The following CDH12 variants were observed in gnomAD, a reference collection of about 807,000 sequenced individuals.
CDH12 encodes the protein cadherin 12, also known as cadherin-12.
A neutral mutation model predicts 74.1 loss-of-function variants in CDH12; 41 were observed. The observed-to-expected ratio is 0.55, with a 90% CI of 0.43 to 0.72. The LOEUF (loss-of-function observed/expected upper bound fraction) is 0.72, where lower values mean the gene tolerates loss of function less well. Among genes scored for constraint, CDH12 ranks in the 30% least tolerant of loss-of-function variants. The pLI is 0.00. For missense variants in CDH12, 945 were observed against 977.2 expected (o/e 0.97, Z 0.44); for synonymous variants, 399 against 355.0 (o/e 1.12, Z -1.39).
chr5:21,779,311 C>A (rs1316901528), intron 11 of CDH12: 1 of 152,034 alleles, frequency 6.6e-6, no homozygotes, highest in East Asian at 1.9e-4. Context: ...AGTGATCCTC[C>A]CACCTCAGCC....
chr5:21,856,408 T>C (rs549938512), intron 6 of CDH12, among the ~76,000 whole-genome samples: 1 of 151,830 alleles, frequency 6.6e-6, no homozygotes, highest in African/African-American at 2.4e-5. Flanking sequence ...AATATTACAA[T>C]TGAAAAACTA....
intron 4 of CDH12, among the ~76,000 whole-genome samples, chr5:22,117,825 T>A (rs1003718109): frequency 6.1e-5 from 9 of 146,520 alleles, no homozygotes; most frequent in Non-Finnish European, 1.1e-4. Context: ...GTGAAAAAAA[T>A]GTAATGTTAT....
chr5:22,657,191 T>C (rs879506908), intron 1 of CDH12, among the ~76,000 whole-genome samples: 6 of 152,132 alleles, frequency 3.9e-5, no homozygotes, highest in Non-Finnish European at 5.9e-5. Flanking sequence ...TTACGTGAAA[T>C]GCACAAACGT....
chr5:22,382,500 A>G (rs1741811658), intron 3 of CDH12, among the ~76,000 whole-genome samples: 2 of 151,630 alleles, frequency 1.3e-5, no homozygotes, highest in African/African-American at 2.4e-5. Context: ...TGCCATTTCA[A>G]GACTTAGATT....
At chr5:21,858,631 A>G (rs1750874232) in intron 6 of CDH12, among the ~76,000 whole-genome samples, 1 of 151,986 alleles carries the variant, frequency 6.6e-6, no homozygotes, top group South Asian at 2.1e-4. Context: ...GAGTATATGA[A>G]GTGCCAGGCA....
intron 4 of CDH12, among the ~76,000 whole-genome samples, chr5:22,124,582 G>A (rs185517363): frequency 1.1e-4 from 16 of 152,204 alleles, no homozygotes; most frequent in Admixed American, 9.8e-4. Context: ...GATGGCATGT[G>A]GTCTTTGGAA....
chr5:22,795,937 T>C lies in CDH12; in HGVS notation c.-523+57121A>G, dbSNP rs1748180332. ...TGAGGAAATGGATAAGGATAACATATAAGTGTTAAGTTAGAGCCTTCTGTG... is the reference window on the plus strand; with the variant it reads ...TGAGGAAATGGATAAGGATAACATACAAGTGTTAAGTTAGAGCCTTCTGTG... On this transcript the variant is annotated intron_variant, in intron 1 of 14. Transcript: ENST00000382254. 2.0e-5 allele frequency among the ~76,000 whole-genome samples: 3 copies of C among 152,092 alleles called. No homozygotes were observed. The South Asian group carries it at 6.2e-4, about 31-fold the overall frequency.
chr5:22,280,485 TAAA>T (rs1482603395), intron 3 of CDH12, among the ~76,000 whole-genome samples: 2 of 151,230 alleles, frequency 1.3e-5, no homozygotes, highest in Admixed American at 1.3e-4. Flanking sequence ...GCAAGCCTAA[TAAA>T]GAAGAAAAGA....
chr5:21,970,998 G>A (rs1756830789), intron 6 of CDH12, among the ~76,000 whole-genome samples: 1 of 151,658 alleles, frequency 6.6e-6, no homozygotes, highest in Non-Finnish European at 1.5e-5. Context: ...AGAAAGGCAA[G>A]GGAGTACCTG....
chr5:22,214,010 T>C (rs1270547331), intron 3 of CDH12, among the ~76,000 whole-genome samples: 2 of 151,930 alleles, frequency 1.3e-5, no homozygotes, highest in Non-Finnish European at 2.9e-5. Flanking sequence ...GATATTTATA[T>C]ATATCTTAGA....
chr5:22,448,240 TA>T (rs1342406476), intron 2 of CDH12, among the ~76,000 whole-genome samples: 1 of 151,770 alleles, frequency 6.6e-6, no homozygotes, highest in Non-Finnish European at 1.5e-5. Context: ...AAACATTTTT[TA>T]AGTAATAGAT....
intron 5 of CDH12, among the ~76,000 whole-genome samples, chr5:22,057,216 T>C (rs984607463): frequency 3.3e-5 from 5 of 152,240 alleles, no homozygotes; most frequent in Admixed American, 3.3e-4. Context: ...TGTCTGTGTT[T>C]CAATAAAACT....
chr5:22,114,329 G>A (rs1744972496), intron 4 of CDH12, among the ~76,000 whole-genome samples: 1 of 151,808 alleles, frequency 6.6e-6, no homozygotes, highest in South Asian at 2.1e-4. Flanking sequence ...ATCATTTTTT[G>A]TATGATCATT....
At chr5:22,124,795 T>C (rs1456517141) in intron 4 of CDH12, among the ~76,000 whole-genome samples, 3 of 152,234 alleles carry the variant, frequency 2.0e-5, no homozygotes, top group Non-Finnish European at 4.4e-5. Context: ...TCCTTATCAC[T>C]CTGGGCCATA....
intron 4 of CDH12, among the ~76,000 whole-genome samples, chr5:22,080,057 T>A (rs1330100155): frequency 1.3e-5 from 2 of 152,196 alleles, no homozygotes; most frequent in Non-Finnish European, 1.5e-5. Context: ...GGTGATTTTA[T>A]GCATTTGGCA....
At chr5:22,374,829 T>C (rs1247585191) in intron 3 of CDH12, among the ~76,000 whole-genome samples, 1 of 151,764 alleles carries the variant, frequency 6.6e-6, no homozygotes, top group Non-Finnish European at 1.5e-5. Flanking sequence ...TGGAAAGACA[T>C]TGCATGCTCA....
At chr5:21,924,014 A>G (rs1256150510) in intron 6 of CDH12, among the ~76,000 whole-genome samples, 1 of 152,202 alleles carries the variant, frequency 6.6e-6, no homozygotes, top group Non-Finnish European at 1.5e-5. Context: ...AAGAATTACT[A>G]AACTGTCTCC....
Position 22,652,462 on chromosome 5 carries a change from G to A in CDH12, c.-522-147098C>T, listed in dbSNP as rs187994731. On this transcript the variant is annotated intron_variant, in intron 1 of 14. Transcript: ENST00000382254. ...CTTGAATGACAGGGTACTGTTTTCAGTAGCTTCATTTCAGATCGATTCCAT... is the reference window on the plus strand; with the variant it reads ...CTTGAATGACAGGGTACTGTTTTCAATAGCTTCATTTCAGATCGATTCCAT... Among the ~76,000 whole-genome samples, 15 of 152,262 alleles carry A rather than the reference G, an allele frequency of 9.9e-5. No individual in the cohort carries two copies. The East Asian group carries it at 2.7e-3, about 27-fold the overall frequency.
intron 1 of CDH12, among the ~76,000 whole-genome samples, chr5:22,614,999 G>T (rs894581806): frequency 3.3e-5 from 5 of 151,876 alleles, no homozygotes; most frequent in African/African-American, 1.2e-4. Flanking sequence ...GTGTGTCGGT[G>T]TAAGATTTCA....
Sources: allele counts gnomAD v4.1 joint callset (sites outside exome capture counted in the v4.1 genomes callset), GRCh38; gene constraint gnomAD v4.1.1; transcripts MANE v1.5; gene names NCBI Gene and HGNC (gene_info 2026-07-23, HGNC 2026-07-21).